Variants in CCDC171 observed in about 807,000 individuals in gnomAD.
CCDC171 encodes coiled-coil domain containing 171, also known as coiled-coil domain-containing protein 171.
In CCDC171, 177 loss-of-function variants were observed where a neutral mutation model predicts 168.2. The ratio of observed to expected loss-of-function variants is 1.05; its 90% CI spans 0.93 to 1.19. CCDC171 has a LOEUF of 1.19. Among genes scored for constraint, CCDC171 ranks in the 50% most tolerant of loss-of-function variants. The pLI, the probability that CCDC171 is intolerant of heterozygous loss-of-function variation, is 0.00. For missense variants in CCDC171, 1,991 were observed against 1,539.0 expected (o/e 1.29, Z -4.91); for synonymous variants, 687 against 540.8 (o/e 1.27, Z -3.75).
rs367691569 is a variant in CCDC171, at chr9:15,838,100, C to T, written c.3268-8602C>T. Among the ~76,000 whole-genome samples the T allele has an allele frequency of 5.9e-5, 9 of 152,026 alleles. No homozygotes were observed. The East Asian group carries it at 1.5e-3, about 26-fold the overall frequency. ...GGCTCTCTATCATATAATTCATATACCTTGTAGGATTTAATAATTAATGGA... is the reference window on the plus strand; with the variant it reads ...GGCTCTCTATCATATAATTCATATATCTTGTAGGATTTAATAATTAATGGA... On this transcript the variant is annotated intron_variant, in intron 21 of 25. Coordinates refer to ENST00000380701, the MANE Select transcript of CCDC171 (RefSeq NM_173550.4).
intron 9 of CCDC171, among the ~76,000 whole-genome samples, chr9:15,672,035 C>T (rs201181550): frequency 5.1e-4 from 78 of 152,224 alleles, no homozygotes; most frequent in Non-Finnish European, 8.2e-4. Flanking sequence ...TTTTAATGAT[C>T]GCCATTCTAA....
chr9:15,725,530 A>C (rs1006026794), intron 14 of CCDC171, among the ~76,000 whole-genome samples: 1 of 151,600 alleles, frequency 6.6e-6, no homozygotes, highest in Non-Finnish European at 1.5e-5. Flanking sequence ...GCTCATTGCA[A>C]CCTCCACCTC....
At position 15,623,309 on chromosome 9, in the gene CCDC171, A is replaced by C. The variant is rs754692204; in HGVS notation, c.718A>C (p.Lys240Gln). The change falls in exon 7 of 26, where the codon AAA becomes CAA. Residue 240 changes from lysine to glutamine, a missense_variant. Lys to Gln is a moderately conservative substitution (Grantham distance 53). Transcript: ENST00000380701. Reference sequence around the variant, plus strand: ...GCAAAATATGCATAAGAAAGTAGAAAAATTAGAAACAGAACATATGGACTG... The same window carrying C: ...GCAAAATATGCATAAGAAAGTAGAACAATTAGAAACAGAACATATGGACTG... ...AVQNMHKKVEKLETEHMDCSD... is the reference protein window; with the variant it reads ...AVQNMHKKVEQLETEHMDCSD... 74 of 1,601,206 alleles carry C rather than the reference A, an allele frequency of 4.6e-5. No homozygotes were observed. The highest frequency in any genetic ancestry group is 6.2e-5 in the Non-Finnish European group (73 of 1,172,908).
chr9:15,872,478 C>G (rs1194354928), intron 23 of CCDC171, among the ~76,000 whole-genome samples: 1 of 151,970 alleles, frequency 6.6e-6, no homozygotes, highest in Non-Finnish European at 1.5e-5. Context: ...GTGGATTATA[C>G]TTACATTGCT....
the CCDC171 span, among the ~76,000 whole-genome samples, chr9:16,106,501 C>T: frequency 6.6e-6 from 1 of 152,150 alleles, no homozygotes. Context: ...CAGGATGGCA[C>T]CTTCTCTCTC....
chr9:15,789,577 T>C (rs1437945336), intron 21 of CCDC171, among the ~76,000 whole-genome samples: 1 of 152,188 alleles, frequency 6.6e-6, no homozygotes, highest in African/African-American at 2.4e-5. Context: ...ACGAAGTAAC[T>C]GACACATGAA....
At chr9:15,733,230 A>T (rs1225514005) in intron 16 of CCDC171, among the ~76,000 whole-genome samples, 1 of 152,102 alleles carries the variant, frequency 6.6e-6, no homozygotes, top group Non-Finnish European at 1.5e-5. Context: ...TTTCAGATAC[A>T]TGATTTGTAA....
intron 6 of CCDC171, among the ~76,000 whole-genome samples, chr9:16,035,118 GT>G (rs1454810164): frequency 6.6e-6 from 1 of 152,118 alleles, no homozygotes; most frequent in Non-Finnish European, 1.5e-5. Flanking sequence ...TAAGGGAACT[GT>G]TTTCTTAGCT....
chr9:15,575,584 T>C (rs1251553915), intron 3 of CCDC171, among the ~76,000 whole-genome samples: 1 of 152,204 alleles, frequency 6.6e-6, no homozygotes, highest in African/African-American at 2.4e-5. Flanking sequence ...CAGGGATTCT[T>C]AAGCTGGAGT....
At chr9:15,894,632 T>C (rs1820665094) in intron 24 of CCDC171, among the ~76,000 whole-genome samples, 1 of 152,020 alleles carries the variant, frequency 6.6e-6, no homozygotes, top group Non-Finnish European at 1.5e-5. Context: ...CACTGACCTT[T>C]TTCCTGTAAC....
intron 25 of CCDC171, among the ~76,000 whole-genome samples, chr9:15,940,543 G>A (rs1048019968): frequency 2.0e-5 from 3 of 151,922 alleles, no homozygotes; most frequent in Non-Finnish European, 4.4e-5. Flanking sequence ...ATATAAAAAG[G>A]TACTATCTAT....
At chr9:15,964,674 G>A (rs1830632529) in intron 25 of CCDC171, among the ~76,000 whole-genome samples, 2 of 152,182 alleles carry the variant, frequency 1.3e-5, no homozygotes, top group African/African-American at 4.8e-5. Context: ...ACATCCTGGA[G>A]AAGAAAATGG....
At chr9:15,836,707 T>C (rs1229709980) in intron 21 of CCDC171, among the ~76,000 whole-genome samples, 8 of 152,202 alleles carry the variant, frequency 5.3e-5, no homozygotes, top group African/African-American at 1.2e-4. Context: ...CCGATAGGAA[T>C]TGACATTTTG....
chr9:15,919,003 T>G (rs1477833766), intron 24 of CCDC171, among the ~76,000 whole-genome samples: 2 of 151,704 alleles, frequency 1.3e-5, no homozygotes, highest in Non-Finnish European at 1.5e-5. Context: ...GCAGAGTATC[T>G]TGCCTTAAGT....
intron 3 of CCDC171, among the ~76,000 whole-genome samples, chr9:15,998,969 C>A (rs1235029093): frequency 6.6e-6 from 1 of 152,098 alleles, no homozygotes; most frequent in African/African-American, 2.4e-5. Flanking sequence ...CTGAAAAAAT[C>A]TAAATTTTAT....
intron 4 of CCDC171, among the ~76,000 whole-genome samples, chr9:15,590,797 C>CTTTT (rs1298619600): frequency 7.0e-6 from 1 of 142,562 alleles, no homozygotes; most frequent in African/African-American, 2.6e-5. Context: ...TTCTTTCTTT[C>CTTTT]TTTCTTTCTT....
chr9:15,646,965 A>G (rs900963839), intron 7 of CCDC171, among the ~76,000 whole-genome samples: 9 of 152,212 alleles, frequency 5.9e-5, no homozygotes, highest in African/African-American at 2.2e-4. Context: ...TCAGCACCAC[A>G]TTGCACTTAT....
Position 15,924,254 on chromosome 9 carries a change from T to TA in CCDC171, c.3753+3833dup. 1.3e-5 allele frequency among the ~76,000 whole-genome samples: 2 copies of TA among 151,492 alleles called. 1 individual carries two copies. Among genetic ancestry groups the TA allele is most frequent in the South Asian group, 4.1e-4 (2 of 4,822 alleles). On this transcript the variant is annotated intron_variant, in intron 25 of 25. Coordinates refer to ENST00000380701, the MANE Select transcript of CCDC171 (RefSeq NM_173550.4). ...AGTGGATATTGTGTTAACCAGTTAA[T>TA]AGTGTGTGCCATAGAAGTCAAATAA...
At chr9:16,047,175 G>A (rs1450570089) in intron 1 of CCDC171, among the ~76,000 whole-genome samples, 3 of 152,182 alleles carry the variant, frequency 2.0e-5, no homozygotes, top group Admixed American at 6.5e-5. Context: ...GGTGGTGAGT[G>A]GGGGTGGCAT....
Sources: gnomAD v4.1 joint callset for allele counts (sites outside exome capture counted in the v4.1 genomes callset) on GRCh38, gnomAD v4.1.1 for gene constraint, MANE v1.5 for transcripts, NCBI Gene and HGNC (gene_info 2026-07-23, HGNC 2026-07-21) for gene names.